The following TENM4 variants were observed in gnomAD, a reference collection of about 807,000 sequenced individuals.
TENM4 encodes teneurin-4.
Under a neutral mutation model 243.3 loss-of-function variants are expected in TENM4, and 82 were observed. The observed-to-expected ratio is 0.34, with a 90% CI of 0.28 to 0.40. TENM4 has a LOEUF of 0.40. Among genes scored for constraint, TENM4 ranks in the 10% least tolerant of loss-of-function variants. TENM4 has a pLI of 1.00. For missense variants in TENM4, 3,138 were observed against 3,673.3 expected (o/e 0.85, Z 3.77); for synonymous variants, 1,412 against 1,456.3 (o/e 0.97, Z 0.69).
At chr11:79,138,325 A>G (rs1340654617) in intron 4 of TENM4, among the ~76,000 whole-genome samples, 1 of 111,024 alleles carries the variant, frequency 9.0e-6, no homozygotes, top group Admixed American at 1.2e-4. Flanking sequence ...ATATATATAT[A>G]TATATTATAT....
At chr11:79,202,596 T>G (rs1863763778) in intron 3 of TENM4, among the ~76,000 whole-genome samples, 1 of 152,184 alleles carries the variant, frequency 6.6e-6, no homozygotes, top group Admixed American at 6.5e-5. Context: ...TGGCGGTGGC[T>G]TGTTGTTTGG....
At chr11:78,854,055 A>C (rs1226282032) in intron 12 of TENM4, 49 bp downstream of exon 12, 1 of 1,515,250 alleles carries the variant, frequency 6.6e-7, no homozygotes, top group Non-Finnish European at 8.9e-7. Flanking sequence ...GCAGCCTCCG[A>C]CCAAAAGAGA....
intron 1 of TENM4, among the ~76,000 whole-genome samples, chr11:79,321,564 A>T (rs1215960339): frequency 2.7e-5 from 4 of 148,910 alleles, no homozygotes; most frequent in Non-Finnish European, 5.9e-5. Context: ...ACATTACCAG[A>T]GGAAGCAGGC....
intron 1 of TENM4, among the ~76,000 whole-genome samples, chr11:79,312,775 G>A (rs1856743068): frequency 6.6e-6 from 1 of 152,176 alleles, no homozygotes; most frequent in African/African-American, 2.4e-5. Flanking sequence ...AAGATGGAAT[G>A]GACACCTGCA....
At position 78,694,375 on chromosome 11, in the gene TENM4, C is replaced by T. The variant is rs991580307; in HGVS notation, c.5088-6149G>A. 4.6e-5 allele frequency among the ~76,000 whole-genome samples: 7 copies of T among 152,286 alleles called. No individual in the cohort carries two copies. In the East Asian group the frequency reaches 5.8e-4, roughly 13 times the overall value. ...CATGTCACTGTAATAGATGTCATCA[C>T]GACATCATTAGCTACTCCAAAACTG... On this transcript the variant is annotated intron_variant, in intron 28 of 33. Transcript: ENST00000278550.
intron 3 of TENM4, among the ~76,000 whole-genome samples, chr11:79,178,235 C>T (rs559785984): frequency 6.6e-6 from 1 of 152,094 alleles, no homozygotes. Flanking sequence ...GGGAAAAAAT[C>T]AGGGAACAGG....
intron 4 of TENM4, among the ~76,000 whole-genome samples, chr11:79,139,053 T>C (rs865878129): frequency 0.36 from 8,400 of 23,612 alleles, 2,514 homozygotes; most frequent in Middle Eastern, 0.5. Flanking sequence ...ATATATAAAA[T>C]ATATATTATA....
intron 2 of TENM4, among the ~76,000 whole-genome samples, chr11:79,291,308 T>C (rs138142799): frequency 0.014 from 2,161 of 152,294 alleles, 26 homozygotes; most frequent in Middle Eastern, 0.027. Flanking sequence ...AGGATGCAGC[T>C]GGCATGGAAC....
intron 6 of TENM4, among the ~76,000 whole-genome samples, chr11:79,049,422 C>T (rs527422700): frequency 1.3e-5 from 2 of 152,342 alleles, no homozygotes; most frequent in African/African-American, 4.8e-5. Context: ...AACTACAAGG[C>T]CGTCCTGAGA....
chr11:78,778,665 C>T, intron 16 of TENM4, 37 bp from the exon 17 acceptor site: 1 of 1,599,926 alleles, frequency 6.3e-7, no homozygotes, highest in Non-Finnish European at 8.5e-7. Context: ...AAGGTAGGAT[C>T]CAGTAAGTGC....
chr11:79,425,674 G>A (rs191180520), intron 1 of TENM4, among the ~76,000 whole-genome samples: 3 of 152,308 alleles, frequency 2.0e-5, no homozygotes, highest in East Asian at 1.9e-4. Context: ...CACAGTAGGG[G>A]CACAAATGGC....
At chr11:78,899,185 C>T (rs530442372) in intron 7 of TENM4, among the ~76,000 whole-genome samples, 7 of 152,172 alleles carry the variant, frequency 4.6e-5, no homozygotes, top group Admixed American at 2.0e-4. Context: ...GCCTTGGAGC[C>T]GCAAGCCACT....
intron 4 of TENM4, among the ~76,000 whole-genome samples, chr11:79,084,385 T>C (rs1167177173): frequency 6.6e-6 from 1 of 152,150 alleles, no homozygotes; most frequent in Non-Finnish European, 1.5e-5. Context: ...CCCTCAGAAA[T>C]AAAAGCTTAT....
chr11:79,070,948 C>A (rs1860398780), intron 4 of TENM4, among the ~76,000 whole-genome samples: 1 of 152,342 alleles, frequency 6.6e-6, no homozygotes, highest in Middle Eastern at 3.4e-3. Context: ...TGCCCATCTC[C>A]TCAGTGCCAC....
chr11:79,025,720 C>T (rs1263609444), intron 6 of TENM4, among the ~76,000 whole-genome samples: 1 of 152,162 alleles, frequency 6.6e-6, no homozygotes, highest in Non-Finnish European at 1.5e-5. Context: ...GGCTAATCTG[C>T]CTGAATCAAC....
rs148477243 is a variant in TENM4 at position 78,827,471 on chromosome 11, C to CTACTTATT, written c.1682-13077_1682-13076insAATAAGTA. 6.8e-4 allele frequency among the ~76,000 whole-genome samples: 100 copies of CTACTTATT among 146,140 alleles called. 2 individuals carry two copies. Among genetic ancestry groups the CTACTTATT allele is most frequent in the African/African-American group, 2.5e-3 (96 of 39,164 alleles). On this transcript the variant is annotated intron_variant, in intron 12 of 33. Coordinates refer to ENST00000278550, the MANE Select transcript of TENM4 (RefSeq NM_001098816.3). ...CCAAGTCCTATCCATCCTTCAAAGC[C>CTACTTATT]TATTTATTTATTTATTTATTTATTT...
rs113359084 is a variant in TENM4 at position 78,901,695 on chromosome 11, T to A, written c.749+1573A>T. ...CATGTTCGGTCTTTCAATGAGCACA[T>A]TGGAAATAATGGAGATCTGATTAAG... On this transcript the variant is annotated intron_variant, in intron 7 of 33. Transcript: ENST00000278550. Among the ~76,000 whole-genome samples the A allele has an allele frequency of 5.4e-3, 816 of 152,210 alleles. 2 individuals carry two copies. Among genetic ancestry groups the A allele is most frequent in the Non-Finnish European group, 9.2e-3 (624 of 68,012 alleles).
At chr11:79,246,530 C>A (rs1473288788) in intron 2 of TENM4, among the ~76,000 whole-genome samples, 1 of 152,102 alleles carries the variant, frequency 6.6e-6, no homozygotes, top group African/African-American at 2.4e-5. Flanking sequence ...TAACCCAAAC[C>A]CCTCTTAACA....
At chr11:79,102,647 C>T (rs1383118686) in intron 4 of TENM4, among the ~76,000 whole-genome samples, 2 of 152,308 alleles carry the variant, frequency 1.3e-5, no homozygotes, top group African/African-American at 2.4e-5. Flanking sequence ...TCATTGCTAT[C>T]GCTTTTGTCT....
Sources: gnomAD v4.1 joint callset for allele counts (sites outside exome capture counted in the v4.1 genomes callset) on GRCh38, gnomAD v4.1.1 for gene constraint, MANE v1.5 for transcripts, NCBI Gene and HGNC (gene_info 2026-07-23, HGNC 2026-07-21) for gene names.